The following TYK2 variants were observed in gnomAD, a reference collection of about 807,000 sequenced individuals.
TYK2 encodes the protein non-receptor tyrosine-protein kinase TYK2.
A neutral mutation model predicts 130.9 loss-of-function variants in TYK2; 65 were observed. The observed-to-expected ratio is 0.50, with a 90% CI of 0.41 to 0.61. The LOEUF is 0.61. Among genes scored for constraint, TYK2 ranks in the 20% least tolerant of loss-of-function variants. The pLI is 0.00. For synonymous variants in TYK2, 647 were observed against 658.9 expected (o/e 0.98, Z 0.28); for missense variants, 1,378 against 1,610.7 (o/e 0.86, Z 2.47).
chr19:10,377,837 C>T (rs1286203614), intron 3 of TYK2, among the ~76,000 whole-genome samples: 2 of 22,964 alleles, frequency 8.7e-5, no homozygotes, highest in Non-Finnish European at 1.5e-4. Context: ...TGGATGGATG[C>T]GTGGGTGGAT....
At position 10,353,610 on chromosome 19, in the gene TYK2, G is replaced by A; in HGVS notation, c.2945C>T (p.Pro982Leu). The change falls in exon 21 of 25, where the codon CCC becomes CTC. Residue 982 changes from proline to leucine, a missense_variant. Coordinates refer to ENST00000525621, the MANE Select transcript of TYK2 (RefSeq NM_003331.5). The surrounding 1 kb of genome is among the most constrained non-coding windows in gnomAD (Gnocchi z 6.9). ...CAGGTAGTCTCGGAGGCTGCCCAGG[G>A]GCACGTACTCCATGACCAGCTGCAG... ...KSLQLVMEYV[P>L]LGSLRDYLPR... 6.8e-7 allele frequency: 1 copy of A among 1,480,512 alleles called. No homozygotes were observed. Among genetic ancestry groups the A allele is most frequent in the Non-Finnish European group, 9.0e-7 (1 of 1,114,026 alleles). The allele number at this position is 1,480,512 out of a possible 1,614,324, so 91.7% of individuals were successfully genotyped here. A position where few individuals can be genotyped will look rare whatever the true frequency, so the allele number is the denominator to read the frequency against.
In TYK2 at chr19:10,364,153, G is replaced by A. The variant is rs551036161; in HGVS notation, c.1367+461C>T. Reference sequence around the variant, plus strand: ...CCAACATACGCCTGAATGGTCACCAGCGTCAGGGTAACACACAGTCCCATG... The same window carrying A: ...CCAACATACGCCTGAATGGTCACCAACGTCAGGGTAACACACAGTCCCATG... On this transcript the variant is annotated intron_variant, in intron 9 of 24. Transcript: ENST00000525621. The surrounding 1 kb of genome is among the most constrained non-coding windows in gnomAD (Gnocchi z 4.9). 9.2e-5 allele frequency among the ~76,000 whole-genome samples: 14 copies of A among 152,324 alleles called. No homozygotes were observed. Among genetic ancestry groups the A allele is most frequent in the African/African-American group, 3.4e-4 (14 of 41,578 alleles).
Position 10,361,063 on chromosome 19 carries a change from T to G in TYK2, c.2047+448A>C. 2.2e-6 allele frequency: 1 copy of G among 458,092 alleles called. No individual in the cohort carries two copies. Among genetic ancestry groups the G allele is most frequent in the Non-Finnish European group, 4.3e-6 (1 of 230,284 alleles). The allele number at this position is 458,092 out of a possible 1,614,324, so 28.4% of individuals were successfully genotyped here. A position where few individuals can be genotyped will look rare whatever the true frequency, so the allele number is the denominator to read the frequency against. ...CACCACACCTAGCCTATACAAGGAGTTTTGAGCTACCTGCAGAGGAAAGGA... is the reference window on the plus strand; with the variant it reads ...CACCACACCTAGCCTATACAAGGAGGTTTGAGCTACCTGCAGAGGAAAGGA... On this transcript the variant is annotated intron_variant, in intron 14 of 24. Coordinates refer to ENST00000525621, the MANE Select transcript of TYK2 (RefSeq NM_003331.5). This position sits in a 1 kb window ranked among gnomAD's most constrained non-coding sequence, Gnocchi z 4.0.
chr19:10,351,415 A>C (rs2040797926), intron 23 of TYK2: 1 of 409,956 alleles, frequency 2.4e-6, no homozygotes, highest in South Asian at 2.1e-5. Flanking sequence ...TGAACCTGGG[A>C]GGCGGAGGTT....
At position 10,369,761 on chromosome 19, in the gene TYK2, C is replaced by T. The variant is rs188833543; in HGVS notation, c.194-1343G>A. 2.2e-3 allele frequency: 1,004 copies of T among 453,460 alleles called. 7 individuals carry two copies. The highest frequency in any genetic ancestry group is 3.0e-3 in the Non-Finnish European group (671 of 226,586). 28.1% of individuals were successfully genotyped at this position (453,460 alleles called of 1,614,324 possible). A position where few individuals can be genotyped will look rare whatever the true frequency, so the allele number is the denominator to read the frequency against. On this transcript the variant is annotated intron_variant, in intron 3 of 24. Coordinates refer to ENST00000525621, the MANE Select transcript of TYK2 (RefSeq NM_003331.5). ...GATGTCATTTAAAAATTGTACCTGT[C>T]GGCCGGGCGCAGTGGCTCACGCCTA...
chr19:10,354,681 A>C (rs2040996368), intron 18 of TYK2, 72 bp from the exon 19 acceptor site: 4 of 1,314,502 alleles, frequency 3.0e-6, no homozygotes, highest in Non-Finnish European at 4.4e-6. Flanking sequence ...GGGAGTCACA[A>C]AGCCAGCCAC....
In TYK2 at chr19:10,369,262, C is replaced by A. The variant is rs8108709; in HGVS notation, c.194-844G>T. ...AAAGAAACATCCAGTCACCTCCTGG[C>A]TGTCTCCCCCTGGACATCACAGGCC... is the stretch of plus-strand genomic sequence containing the variant. On this transcript the variant is annotated intron_variant, in intron 3 of 24. Transcript: ENST00000525621. Among the ~76,000 whole-genome samples, 749 of 152,290 alleles carry A rather than the reference C, an allele frequency of 4.9e-3. 4 individuals are homozygous for A. The highest frequency in any genetic ancestry group is 0.016 in the African/African-American group (654 of 41,560).
At chr19:10,359,050 G>A in intron 15 of TYK2, 125 bp downstream of exon 15, 6 of 1,342,040 alleles carry the variant, frequency 4.5e-6, no homozygotes, top group Non-Finnish European at 6.2e-6. Flanking sequence ...GTGACAGGGC[G>A]AAACTCCACC....
intron 3 of TYK2, among the ~76,000 whole-genome samples, chr19:10,375,760 C>CAA (rs775310496): frequency 1.2e-3 from 128 of 109,310 alleles, no homozygotes; most frequent in African/African-American, 3.6e-3. Flanking sequence ...ACTAAAAATA[C>CAA]AAAAAAAAAA....
intron 3 of TYK2, among the ~76,000 whole-genome samples, chr19:10,374,132 G>C (rs1244453150): frequency 2.6e-5 from 4 of 152,114 alleles, no homozygotes; most frequent in South Asian, 2.1e-4. Flanking sequence ...CAGGCGTGGT[G>C]GTGGGTGCCT....
chr19:10,375,315 G>A lies in TYK2; in HGVS notation c.193+2899C>T, dbSNP rs146608842. The stretch of plus-strand genomic sequence containing the variant: ...GAGGAAGGTATATGTAACCAAAGCC[G>A]CCTTAGAAAGGCCTTTCCTTGGTTG... On this transcript the variant is annotated intron_variant, in intron 3 of 24. Transcript: ENST00000525621. 3.8e-3 allele frequency among the ~76,000 whole-genome samples: 585 copies of A among 152,204 alleles called. 2 individuals are homozygous for A. The highest frequency in any genetic ancestry group is 4.4e-3 in the Non-Finnish European group (302 of 68,006).
chr19:10,365,446 G>C, intron 7 of TYK2, 71 bp downstream of exon 7: 1 of 1,603,446 alleles, frequency 6.2e-7, no homozygotes, highest in South Asian at 1.1e-5. Context: ...AGAGGCTAGG[G>C]TCAAGGATGA....
chr19:10,367,944 T>C, intron 5 of TYK2, 111 bp downstream of exon 5: 2 of 1,205,542 alleles, frequency 1.7e-6, no homozygotes, highest in Non-Finnish European at 1.2e-6. Flanking sequence ...GATCCCCAGA[T>C]AGCATGAGTT....
Position 10,378,281 on chromosome 19 carries a change from G to A in TYK2, c.126C>T (p.Pro42=). The change falls in exon 3 of 25, where the codon CCC becomes CCT. Residue 42 remains proline, a synonymous_variant. Transcript: ENST00000525621. The part of the protein sequence containing the change: ...LHWAGPGGGE[P]WVTFSESSLT... ...GCGATGACTCACTGAAAGTGACCCA[G>A]GGCTCCCCGCCGCCTGGACCAGCCC... The A allele has an allele frequency of 6.2e-7, 1 of 1,612,936 alleles. No individual in the cohort carries two copies. The highest frequency in any genetic ancestry group is 8.5e-7 in the Non-Finnish European group (1 of 1,179,976).
chr19:10,371,870 TAAAC>T (rs1429803047), intron 3 of TYK2, among the ~76,000 whole-genome samples: 1 of 152,128 alleles, frequency 6.6e-6, no homozygotes, highest in Non-Finnish European at 1.5e-5. Context: ...TTCCATATGA[TAAAC>T]AAGGCGGCTC....
At chr19:10,369,804 G>A in intron 3 of TYK2, 1 of 447,980 alleles carries the variant, frequency 2.2e-6, no homozygotes, top group Non-Finnish European at 4.5e-6. Flanking sequence ...AGCACTTTGG[G>A]AGGCTGAGGT....
intron 3 of TYK2, chr19:10,368,807 G>T: frequency 4.6e-6 from 1 of 216,564 alleles, no homozygotes; most frequent in Admixed American, 5.2e-5. Flanking sequence ...TTGATTTTAA[G>T]TAAAACTTTT....
chr19:10,373,458 C>T (rs2041998869), intron 3 of TYK2, among the ~76,000 whole-genome samples: 1 of 152,038 alleles, frequency 6.6e-6, no homozygotes, highest in Admixed American at 6.6e-5. Flanking sequence ...CTGCCTCAGC[C>T]TCCCAAGTAG....
At chr19:10,360,915 G>A (rs1294817852) in intron 14 of TYK2, 2 of 270,292 alleles carry the variant, frequency 7.4e-6, no homozygotes, top group South Asian at 6.8e-5. Flanking sequence ...ACCATGCCTG[G>A]CCCTGATTTT....
Sources: gnomAD v4.1 joint callset for allele counts (sites outside exome capture counted in the v4.1 genomes callset) on GRCh38, gnomAD v4.1.1 for gene constraint, Gnocchi (gnomAD v3.1) non-coding constraint, MANE v1.5 for transcripts, NCBI Gene and HGNC (gene_info 2026-07-23, HGNC 2026-07-21) for gene names.